Variants in KCNH5 observed in about 807,000 individuals in gnomAD.
KCNH5 encodes the protein potassium voltage-gated channel subfamily H member 5, also known as voltage-gated delayed rectifier potassium channel KCNH5.
Under a neutral mutation model 96.1 loss-of-function variants are expected in KCNH5, and 46 were observed. That is an observed-to-expected ratio of 0.48 (90% CI 0.38 to 0.61). KCNH5 has a LOEUF of 0.61. Ranked by LOEUF, KCNH5 falls within the 20% of genes least tolerant of loss-of-function variation. KCNH5 has a pLI of 0.00. For synonymous variants in KCNH5, 439 were observed against 449.8 expected, an observed-to-expected ratio of 0.98 and a Z score of 0.30; for missense variants, 907 against 1,225.8, an observed-to-expected ratio of 0.74 and a Z score of 3.88.
At chr14:62,991,137 T>C (rs957720462) in intron 4 of KCNH5, among the ~76,000 whole-genome samples, 2 of 152,080 alleles carry the variant, frequency 1.3e-5, no homozygotes, top group African/African-American at 4.8e-5. Flanking sequence ...TTTTGTGGAA[T>C]GTTTTACTGA....
At chr14:62,915,249 A>T (rs891871779) in intron 7 of KCNH5, among the ~76,000 whole-genome samples, 5 of 152,196 alleles carry the variant, frequency 3.3e-5, no homozygotes, top group African/African-American at 1.2e-4. Flanking sequence ...TTAAATTTGC[A>T]TATTCTTCTA....
At chr14:62,854,935 C>CTA (rs1159149756) in intron 7 of KCNH5, among the ~76,000 whole-genome samples, 2 of 149,814 alleles carry the variant, frequency 1.3e-5, no homozygotes, top group Non-Finnish European at 3.0e-5. Flanking sequence ...GAGGCAAGGT[C>CTA]TATATTCTGA....
chr14:62,994,628 T>C (rs1594664912), intron 4 of KCNH5, among the ~76,000 whole-genome samples: 1 of 152,018 alleles, frequency 6.6e-6, no homozygotes, highest in Non-Finnish European at 1.5e-5. Context: ...TCTCTCCAAA[T>C]GAAAGTATTC....
Position 62,976,690 on chromosome 14 carries a change from AC to A in KCNH5, c.942+4181del, listed in dbSNP as rs1309508455. On this transcript the variant is annotated intron_variant, in intron 6 of 10. Coordinates refer to ENST00000322893, the MANE Select transcript of KCNH5 (RefSeq NM_139318.5). ...AACTTCCAGAAAGAGAAAATAGGTC[AC>A]ATGTAAAGGAACAGAAATCGTAATG... 4.6e-5 allele frequency among the ~76,000 whole-genome samples: 7 copies of A among 152,216 alleles called. No individual in the cohort carries two copies. In the East Asian group the frequency reaches 1.2e-3, roughly 25 times the overall value.
chr14:62,781,386 T>A (rs530175912), intron 9 of KCNH5, among the ~76,000 whole-genome samples: 2 of 152,330 alleles, frequency 1.3e-5, no homozygotes, highest in South Asian at 4.1e-4. Flanking sequence ...TTGTCATTGA[T>A]AACATCTTAT....
intron 10 of KCNH5, among the ~76,000 whole-genome samples, chr14:62,753,480 G>C (rs763723191): frequency 2.3e-4 from 35 of 152,032 alleles, no homozygotes; most frequent in Non-Finnish European, 3.5e-4. Flanking sequence ...CAATATTCAA[G>C]TACAAGAAGG....
At chr14:62,722,723 G>A (rs898823716) in intron 10 of KCNH5, among the ~76,000 whole-genome samples, 20 of 152,108 alleles carry the variant, frequency 1.3e-4, no homozygotes, top group African/African-American at 3.4e-4. Context: ...ATTGGCAAAC[G>A]TAATACACTT....
intron 5 of KCNH5, among the ~76,000 whole-genome samples, chr14:62,986,739 T>C (rs1236467256): frequency 6.6e-6 from 1 of 152,126 alleles, no homozygotes; most frequent in African/African-American, 2.4e-5. Flanking sequence ...TAACTTTACA[T>C]CCTTTGCAGA....
chr14:62,711,946 GA>G (rs1232275970), intron 10 of KCNH5, among the ~76,000 whole-genome samples: 1 of 152,198 alleles, frequency 6.6e-6, no homozygotes, highest in Non-Finnish European at 1.5e-5. Context: ...ACACTCTGAG[GA>G]GTGGCTACAG....
intron 8 of KCNH5, among the ~76,000 whole-genome samples, chr14:62,816,974 A>G (rs1204796338): frequency 6.7e-6 from 1 of 150,056 alleles, no homozygotes; most frequent in Non-Finnish European, 1.5e-5. Context: ...CTTAAGCTCC[A>G]GAATTCCTGT....
rs1446003210 is a variant in KCNH5, at chr14:62,802,481, C to T, written c.1670G>A (p.Gly557Glu). ...CTCTACCGCCAAGGCGCGCAGACAC[C>T]CATCGCTGGCCAATCGAAAAGCAGG... ...EHPAFRLASDGCLRALAVEFQ... is the reference protein window; with the variant it reads ...EHPAFRLASDECLRALAVEFQ... The change falls in exon 9 of 11, where the codon GGG (glycine) becomes GAG (glutamate). Residue 557 changes from glycine to glutamate, a missense_variant. Around this residue, in one of 6 missense-constraint regions of KCNH5, gnomAD observed 95 missense variants for 111.8 expected, o/e 0.85. Coordinates refer to ENST00000322893, the MANE Select transcript of KCNH5 (RefSeq NM_139318.5). The T allele has an allele frequency of 6.2e-7, 1 of 1,614,122 alleles. No individual in the cohort carries two copies. Among genetic ancestry groups the T allele is most frequent in the South Asian group, 1.1e-5 (1 of 91,086 alleles).
intron 8 of KCNH5, among the ~76,000 whole-genome samples, chr14:62,847,451 C>T (rs540672725): frequency 2.0e-4 from 31 of 152,120 alleles, no homozygotes; most frequent in African/African-American, 7.2e-4. Context: ...ACTTATGCAT[C>T]TGGGTAGGGA....
chr14:62,951,239 A>C (rs578010273), intron 6 of KCNH5, among the ~76,000 whole-genome samples: 60 of 152,336 alleles, frequency 3.9e-4, no homozygotes, highest in African/African-American at 1.4e-3. Context: ...ACACCAAAAA[A>C]AGAACAGCAG....
At chr14:62,876,593 T>TA (rs1277543327) in intron 7 of KCNH5, among the ~76,000 whole-genome samples, 1 of 152,176 alleles carries the variant, frequency 6.6e-6, no homozygotes, top group Non-Finnish European at 1.5e-5. Context: ...CTGACATTTT[T>TA]AAAAAATCAA....
chr14:62,847,181 A>G (rs1887717872), intron 8 of KCNH5, among the ~76,000 whole-genome samples: 1 of 148,374 alleles, frequency 6.7e-6, no homozygotes. Context: ...TATATAATTT[A>G]TTTGTTAAAT....
At chr14:62,981,330 A>C in intron 5 of KCNH5, 66 bp from the exon 6 acceptor site, 1 of 1,477,186 alleles carries the variant, frequency 6.8e-7, no homozygotes, top group Non-Finnish European at 9.3e-7. Flanking sequence ...ATGAATTCAA[A>C]TCTACTGGCA....
At chr14:63,009,818 C>T (rs537269390) in intron 2 of KCNH5, among the ~76,000 whole-genome samples, 68 of 152,182 alleles carry the variant, frequency 4.5e-4, no homozygotes, top group African/African-American at 1.4e-3. Context: ...ATCACAGGTT[C>T]CTGAAGCCTG....
chr14:62,836,900 T>C (rs939771295), intron 8 of KCNH5, among the ~76,000 whole-genome samples: 1 of 152,068 alleles, frequency 6.6e-6, no homozygotes, highest in Non-Finnish European at 1.5e-5. Context: ...GGGCATAAAG[T>C]TTGAAGTCAG....
chr14:62,970,721 A>G (rs560789676), intron 6 of KCNH5, among the ~76,000 whole-genome samples: 22 of 152,314 alleles, frequency 1.4e-4, no homozygotes, highest in African/African-American at 5.1e-4. Flanking sequence ...AATGTAATCC[A>G]TAACATCAAC....
Sources: allele counts gnomAD v4.1 joint callset (sites outside exome capture counted in the v4.1 genomes callset), GRCh38; gene constraint gnomAD v4.1.1; regional missense constraint gnomAD v4.1.1; transcripts MANE v1.5; gene names NCBI Gene and HGNC (gene_info 2026-07-23, HGNC 2026-07-21).